BMAL1: variants seen among roughly 807,000 people sequenced by gnomAD.
BMAL1 encodes basic helix-loop-helix ARNT like 1.
the BMAL1 span, among the ~76,000 whole-genome samples, chr11:13,322,712 G>A: frequency 1.3e-5 from 2 of 149,308 alleles, no homozygotes; most frequent in Admixed American, 6.7e-5. Context: ...TGCTGTGGGA[G>A]AAGAGAGGAT....
At chr11:13,315,388 C>T in the BMAL1 span, among the ~76,000 whole-genome samples, 3 of 152,352 alleles carry the variant, frequency 2.0e-5, no homozygotes, top group South Asian at 4.1e-4. Context: ...CCCATGCCAG[C>T]ATCTAGCGCT....
chr11:13,325,444 CTTTT>C, the BMAL1 span, among the ~76,000 whole-genome samples: 2 of 151,418 alleles, frequency 1.3e-5, no homozygotes, highest in South Asian at 2.1e-4. Context: ...TTTTTCTTTT[CTTTT>C]TTTTTCTTTT....
the BMAL1 span, among the ~76,000 whole-genome samples, chr11:13,288,431 T>TCTTTCTTTCTTTCTTTCTTTCTTTCTTC: frequency 2.8e-5 from 4 of 144,890 alleles, no homozygotes; most frequent in African/African-American, 1.0e-4. Context: ...TTTCTTTTTT[T>TCTTTCTTTCTTTCTTTCTTTCTTTCTTC]TTTTTTTGTG....
At chr11:13,358,673 G>A in the BMAL1 span, 1 of 1,350,414 alleles carries the variant, frequency 7.4e-7, no homozygotes, top group Non-Finnish European at 9.7e-7. Context: ...TATCCCTAAG[G>A]CAGATGTTTA....
the BMAL1 span, among the ~76,000 whole-genome samples, chr11:13,291,726 C>G: frequency 2.4e-4 from 36 of 151,762 alleles, no homozygotes; most frequent in African/African-American, 8.0e-4. Context: ...AAGTGAACTT[C>G]TTTGTGGTAT....
the BMAL1 span, among the ~76,000 whole-genome samples, chr11:13,284,154 ATATATGTGTG>A: frequency 5.6e-3 from 343 of 61,760 alleles, 16 homozygotes; most frequent in African/African-American, 0.022. Flanking sequence ...GTGTATATAT[ATATATGTGTG>A]TATATATATA....
At chr11:13,302,150 A>C in the BMAL1 span, among the ~76,000 whole-genome samples, 2 of 152,194 alleles carry the variant, frequency 1.3e-5, no homozygotes, top group Non-Finnish European at 2.9e-5. Flanking sequence ...GTGAAGGGCC[A>C]CAGGAAGACA....
the BMAL1 span, among the ~76,000 whole-genome samples, chr11:13,386,441 G>T: frequency 6.6e-6 from 1 of 151,970 alleles, no homozygotes; most frequent in South Asian, 2.1e-4. Context: ...AAAAAACAGC[G>T]ATATAAAAAA....
chr11:13,340,277 TC>T, the BMAL1 span, among the ~76,000 whole-genome samples: 134 of 152,284 alleles, frequency 8.8e-4, no homozygotes, highest in Non-Finnish European at 1.5e-3. Context: ...CACCCCAGAA[TC>T]CCTGGGGCAG....
chr11:13,294,723 G>A, the BMAL1 span, among the ~76,000 whole-genome samples: 74 of 152,242 alleles, frequency 4.9e-4, no homozygotes, highest in African/African-American at 1.7e-3. Flanking sequence ...AGTTTTGTGG[G>A]TTCCCTGTTC....
At chr11:13,375,840 C>A in the BMAL1 span, 1 of 1,373,114 alleles carries the variant, frequency 7.3e-7, no homozygotes, top group Non-Finnish European at 9.7e-7. Flanking sequence ...AAATGGGGTG[C>A]AGGCAACATC....
chr11:13,290,808 C>T, the BMAL1 span, among the ~76,000 whole-genome samples: 1 of 151,718 alleles, frequency 6.6e-6, no homozygotes, highest in African/African-American at 2.4e-5. Context: ...CAGTCCAGTG[C>T]CCAGCTGCAT....
At chr11:13,371,961 C>T in the BMAL1 span, among the ~76,000 whole-genome samples, 2 of 152,104 alleles carry the variant, frequency 1.3e-5, no homozygotes, top group Admixed American at 1.3e-4. Flanking sequence ...TATAACTGGC[C>T]CTACTTAAGC....
chr11:13,286,206 A>G, the BMAL1 span, among the ~76,000 whole-genome samples: 1 of 152,354 alleles, frequency 6.6e-6, no homozygotes, highest in East Asian at 1.9e-4. Context: ...CCCTCCTCTC[A>G]GTAGCATTGT....
At chr11:13,332,526 C>T in the BMAL1 span, among the ~76,000 whole-genome samples, 21 of 152,154 alleles carry the variant, frequency 1.4e-4, no homozygotes, top group Admixed American at 1.3e-4. Context: ...ATTATAATTT[C>T]AGTACAAGCT....
At chr11:13,284,266 A>ATATTTTT in the BMAL1 span, among the ~76,000 whole-genome samples, 1 of 44,882 alleles carries the variant, frequency 2.2e-5, no homozygotes, top group Non-Finnish European at 4.7e-5. Context: ...ATATATATAT[A>ATATTTTT]TTTTTTTTTT....
At chr11:13,364,499 A>T in the BMAL1 span, among the ~76,000 whole-genome samples, 1 of 152,262 alleles carries the variant, frequency 6.6e-6, no homozygotes, top group Non-Finnish European at 1.5e-5. Context: ...GAGCAGATTA[A>T]GGACCAGTGA....
the BMAL1 span, among the ~76,000 whole-genome samples, chr11:13,370,253 C>G: frequency 6.6e-6 from 1 of 152,144 alleles, no homozygotes; most frequent in Non-Finnish European, 1.5e-5. Context: ...CTGGCTGCCC[C>G]TCTCTGTCCT....
the BMAL1 span, among the ~76,000 whole-genome samples, chr11:13,293,750 G>T: frequency 1.8e-4 from 28 of 152,332 alleles, no homozygotes; most frequent in African/African-American, 6.3e-4. Flanking sequence ...GTATGTCCTT[G>T]GCAAGGCCAT....
Sources: gnomAD v4.1 joint callset for allele counts (sites outside exome capture counted in the v4.1 genomes callset) on GRCh38, gnomAD v4.1.1 for gene constraint, MANE v1.5 for transcripts, NCBI Gene and HGNC (gene_info 2026-07-23, HGNC 2026-07-21) for gene names.